DHX29: variants seen among roughly 807,000 people sequenced by gnomAD.
DHX29 encodes the protein DExH-box helicase 29, also known as ATP-dependent RNA helicase DHX29.
Under a neutral mutation model 167.9 loss-of-function variants are expected in DHX29, and 79 were observed. The observed-to-expected ratio is 0.47, with a 90% CI of 0.39 to 0.57. DHX29 has a LOEUF of 0.57. DHX29 is among the 20% of genes least tolerant of loss of function. The pLI is 0.00. For missense variants in DHX29, 1,347 were observed against 1,593.4 expected, an observed-to-expected ratio of 0.85 and a Z score of 2.63; for synonymous variants, 530 against 546.0, an observed-to-expected ratio of 0.97 and a Z score of 0.41.
In DHX29 at chr5:55,256,259, G is replaced by T. The variant is rs1316566159; in HGVS notation, c.*229C>A. The stretch of plus-strand genomic sequence containing the variant: ...TGAGCAAAACATGCATAATACCAAA[G>T]AATTTATTGTAAATGTAGTGGCAAA... On this transcript the variant is annotated 3_prime_UTR_variant, in exon 27 of 27. Transcript: ENST00000251636. 4 of 343,338 alleles carry T rather than the reference G, an allele frequency of 1.2e-5. No homozygotes were observed. Among genetic ancestry groups the T allele is most frequent in the African/African-American group, 6.6e-5 (3 of 45,762 alleles). 21.3% of individuals were successfully genotyped at this position (343,338 alleles called of 1,614,324 possible). A position where few individuals can be genotyped will look rare whatever the true frequency, so the allele number is the denominator to read the frequency against.
intron 3 of DHX29, among the ~76,000 whole-genome samples, chr5:55,296,912 A>C (rs1324472344): frequency 2.0e-5 from 3 of 152,134 alleles, no homozygotes; most frequent in Admixed American, 6.5e-5. Flanking sequence ...TTTACTAGTA[A>C]CCTTAGGGTA....
intron 6 of DHX29, among the ~76,000 whole-genome samples, chr5:55,290,709 GCT>G (rs1171134156): frequency 6.6e-6 from 1 of 152,158 alleles, no homozygotes; most frequent in African/African-American, 2.4e-5. Flanking sequence ...AAAAAGTAGA[GCT>G]CATTTCTATA....
chr5:55,258,720 T>C (rs1746168246), intron 26 of DHX29, among the ~76,000 whole-genome samples: 1 of 152,152 alleles, frequency 6.6e-6, no homozygotes, highest in African/African-American at 2.4e-5. Flanking sequence ...CCGGCTAACT[T>C]TTTTTAATTG....
At position 55,277,258 on chromosome 5, in the gene DHX29, C is replaced by A; in HGVS notation, c.2134G>T (p.Asp712Tyr). The A allele has an allele frequency of 6.2e-7, 1 of 1,606,532 alleles. No homozygotes were observed. The highest frequency in any genetic ancestry group is 1.1e-5 in the South Asian group (1 of 89,784). ...DEVHERSVQS[D>Y]FLLIILKEIL... is the part of the protein sequence containing the mutation. ...TCCTTCAAGATAATTAGTAGGAAGT[C>A]TGACTGGACACTTCTTTCATGAACC... The change falls in exon 13 of 27, where the codon GAC (aspartate) becomes TAC (tyrosine). Residue 712 changes from aspartate (D) to tyrosine (Y), a missense_variant. This residue lies in a region of DHX29 where 882 missense variants were observed against 1,082.4 expected (regional missense o/e 0.81). Transcript: ENST00000251636.
intron 23 of DHX29, 24 bp downstream of exon 23, chr5:55,267,114 T>TGA (rs1399595769): frequency 1.4e-6 from 2 of 1,472,160 alleles, no homozygotes. Flanking sequence ...TGACTCTGAG[T>TGA]GAGAGATCCA....
chr5:55,304,543 G>A (rs1379860745), intron 1 of DHX29, among the ~76,000 whole-genome samples: 3 of 151,522 alleles, frequency 2.0e-5, no homozygotes, highest in South Asian at 2.1e-4. Context: ...CTCGTGATCC[G>A]CCTGCCTCGG....
chr5:55,257,780 C>G (rs534024698), intron 26 of DHX29, among the ~76,000 whole-genome samples: 1 of 152,314 alleles, frequency 6.6e-6, no homozygotes, highest in African/African-American at 2.4e-5. Context: ...AAGTTCTGCT[C>G]TCTCTCTTAT....
chr5:55,273,573 C>A lies in DHX29; in HGVS notation c.2691-196G>T, dbSNP rs541990466. The A allele has an allele frequency of 2.9e-4, 168 of 585,678 alleles. No homozygotes were observed. The African/African-American group carries it at 3.1e-3, about 11-fold the overall frequency. The allele number at this position is 585,678 out of a possible 1,614,324, so 36.3% of individuals were successfully genotyped here. On this transcript the variant is annotated intron_variant, in intron 16 of 26. Transcript: ENST00000251636. ...TCACAAAGAATATAAACAAATTATGCGAATAGGATTAAATTTTTTTAATGT... is the reference window on the plus strand; with the variant it reads ...TCACAAAGAATATAAACAAATTATGAGAATAGGATTAAATTTTTTTAATGT...
Position 55,289,434 on chromosome 5 carries a change from A to G in DHX29, c.908-6T>C. 6.6e-7 allele frequency: 1 copy of G among 1,521,088 alleles called. No individual in the cohort carries two copies. The highest frequency in any genetic ancestry group is 8.7e-7 in the Non-Finnish European group (1 of 1,146,762). 94.2% of individuals were successfully genotyped at this position (1,521,088 alleles called of 1,614,324 possible). A position where few individuals can be genotyped will look rare whatever the true frequency, so the allele number is the denominator to read the frequency against. Reference sequence around the variant, plus strand: ...GTCTTCTAAAGTTTCCATTTCTACCAAGAAAAAAATATAATGTTTAGTTTC... The same window carrying G: ...GTCTTCTAAAGTTTCCATTTCTACCGAGAAAAAAATATAATGTTTAGTTTC... On this transcript the variant is annotated splice_polypyrimidine_tract_variant and splice_region_variant and intron_variant, in intron 7 of 26. Transcript: ENST00000251636.
In DHX29 at chr5:55,270,429, A is replaced by T; in HGVS notation, c.3052T>A (p.Leu1018Ile). The T allele has an allele frequency of 6.2e-7, 1 of 1,610,574 alleles. No individual in the cohort carries two copies. The highest frequency in any genetic ancestry group is 8.5e-7 in the Non-Finnish European group (1 of 1,178,746). ...PEILRVPLEE[L>I]CLHIMKCNLG... ...GAGATTACCATAATATGAAGGCATA[A>T]TTCCTCCAAAGGTACACGTAAGATT... The change falls in exon 20 of 27, where the codon TTA becomes ATA. Residue 1018 changes from leucine (L) to isoleucine (I), a missense_variant. Physicochemically the swap from Leu to Ile is conservative, Grantham distance 5. This residue lies in a region of DHX29 where 882 missense variants were observed against 1,082.4 expected (regional missense o/e 0.81). Coordinates refer to ENST00000251636, the MANE Select transcript of DHX29 (RefSeq NM_019030.4).
rs1579772647 is a variant in DHX29, at chr5:55,274,814, G to A, written c.2572+52C>T. ...AATATTAATAAAACATCTCCAGCTA[G>A]TAGAAATGTTTTATCAAATCAAATG... On this transcript the variant is annotated intron_variant, in intron 15 of 26. Transcript: ENST00000251636. The A allele has an allele frequency of 5.1e-6, 8 of 1,569,540 alleles. No homozygotes were observed. The East Asian group carries it at 1.1e-4, about 22-fold the overall frequency.
intron 12 of DHX29, 100 bp downstream of exon 12, chr5:55,281,268 ATAAT>A (rs897127170): frequency 3.1e-6 from 3 of 974,876 alleles, no homozygotes; most frequent in Non-Finnish European, 4.1e-6. Flanking sequence ...AAGGTATATA[ATAAT>A]TTAGTAAGCA....
chr5:55,275,321 A>G (rs561436647), intron 14 of DHX29, among the ~76,000 whole-genome samples: 1 of 152,302 alleles, frequency 6.6e-6, no homozygotes, highest in East Asian at 1.9e-4. Flanking sequence ...TTCTGTGGCA[A>G]CTAAAAAGCA....
chr5:55,269,263 A>T, intron 21 of DHX29, 150 bp downstream of exon 21: 2 of 716,294 alleles, frequency 2.8e-6, no homozygotes, highest in Non-Finnish European at 4.5e-6. Flanking sequence ...AAAAAAAAAA[A>T]ATTCAAGCAT....
rs779564857 is a variant in DHX29, at chr5:55,307,430, A to T, written c.144T>A (p.Ala48=). Residue 48 remains alanine (A), a synonymous_variant, in exon 1 of 27, where the codon GCT becomes GCA. Transcript: ENST00000251636. The stretch of plus-strand genomic sequence containing the variant: ...CCCTGGAGCCGGCAGCGGCAGCGGC[A>T]GCGGTGGCCGGCCTGGACACTGGCT... ...SKKPVSRPAT[A]AAAAAGSREP... 28 of 1,612,828 alleles carry T rather than the reference A, an allele frequency of 1.7e-5. No homozygotes were observed. The highest frequency in any genetic ancestry group is 2.4e-5 in the Non-Finnish European group (28 of 1,179,776).
chr5:55,260,292 C>T (rs1347321454), intron 25 of DHX29, among the ~76,000 whole-genome samples: 12 of 151,650 alleles, frequency 7.9e-5, no homozygotes, highest in African/African-American at 2.4e-4. Flanking sequence ...AGTGCAGTGG[C>T]GCAATCTTGC....
intron 23 of DHX29, 90 bp downstream of exon 23, chr5:55,267,048 T>G (rs1285295219): frequency 1.3e-6 from 1 of 775,230 alleles, no homozygotes; most frequent in Non-Finnish European, 2.1e-6. Context: ...CCTTACTATG[T>G]GACAAGTATT....
At chr5:55,268,472 TG>T (rs1746691299) in intron 21 of DHX29, among the ~76,000 whole-genome samples, 1 of 152,192 alleles carries the variant, frequency 6.6e-6, no homozygotes, top group African/African-American at 2.4e-5. Flanking sequence ...TTGCCCAGGC[TG>T]GGGTGCAGTG....
intron 3 of DHX29, among the ~76,000 whole-genome samples, chr5:55,296,558 C>T (rs1443367043): frequency 6.6e-6 from 1 of 152,042 alleles, no homozygotes; most frequent in East Asian, 1.9e-4. Flanking sequence ...AGAAATTATC[C>T]ATATTCTCAC....
Sources: gnomAD v4.1 joint callset for allele counts (sites outside exome capture counted in the v4.1 genomes callset) on GRCh38, gnomAD v4.1.1 for gene constraint, gnomAD v4.1.1 regional missense constraint, MANE v1.5 for transcripts, NCBI Gene and HGNC (gene_info 2026-07-23, HGNC 2026-07-21) for gene names.